The following TBC1D4 variants were observed in gnomAD, a reference collection of about 807,000 sequenced individuals.
TBC1D4 encodes TBC1 domain family member 4.
Under a neutral mutation model 142.5 loss-of-function variants are expected in TBC1D4, and 121 were observed. The observed-to-expected ratio is 0.85, with a 90% CI of 0.73 to 0.99. TBC1D4 has a LOEUF of 0.99. Ranked by LOEUF, TBC1D4 falls within the 50% of genes least tolerant of loss-of-function variation. The probability of loss-of-function intolerance (pLI) is 0.00; values close to 1 mark genes in which losing one functional copy is unlikely to be tolerated. For synonymous variants in TBC1D4, 630 were observed against 628.2 expected (o/e 1.00, Z -0.04); for missense variants, 1,475 against 1,606.6 (o/e 0.92, Z 1.40).
chr13:75,448,111 G>C (rs1887369102), intron 1 of TBC1D4, among the ~76,000 whole-genome samples: 1 of 152,000 alleles, frequency 6.6e-6, no homozygotes, highest in African/African-American at 2.4e-5. Context: ...AAAAGGTTGG[G>C]GACTGCTGTT....
intron 1 of TBC1D4, among the ~76,000 whole-genome samples, chr13:75,451,582 A>C (rs1887533337): frequency 6.6e-6 from 1 of 150,400 alleles, no homozygotes; most frequent in South Asian, 2.1e-4. Context: ...CGGGAGGCTG[A>C]GGTGGGAGGA....
intron 1 of TBC1D4, among the ~76,000 whole-genome samples, chr13:75,452,165 C>T (rs983827428): frequency 1.1e-4 from 17 of 151,940 alleles, no homozygotes; most frequent in African/African-American, 3.1e-4. Context: ...CAAGTAAACT[C>T]GCTGTTTATT....
At chr13:75,290,814 G>A (rs1221874279) in intron 19 of TBC1D4, among the ~76,000 whole-genome samples, 1 of 152,072 alleles carries the variant, frequency 6.6e-6, no homozygotes, top group Admixed American at 6.6e-5. Context: ...TTCCCATTTT[G>A]TAGAGGAAGA....
In TBC1D4 at chr13:75,286,934, T is replaced by C. The variant is rs759597608; in HGVS notation, c.3755A>G (p.Glu1252Gly). The C allele has an allele frequency of 1.2e-6, 2 of 1,613,894 alleles. No homozygotes were observed. The highest frequency in any genetic ancestry group is 1.7e-6 in the Non-Finnish European group (2 of 1,179,958). The change falls in exon 21 of 21, where the codon GAA (glutamate) becomes GGA (glycine). Residue 1252 changes from glutamate to glycine, a missense_variant. Around this residue, in one of 2 missense-constraint regions of TBC1D4, gnomAD observed 248 missense variants for 338.9 expected, o/e 0.73. Coordinates refer to ENST00000377636, the MANE Select transcript of TBC1D4 (RefSeq NM_014832.5). ...CTTTTGATAAGCCATTTTTTCTTGT[T>C]CCAGGGTCCGGATTAAAGACTTCAT... ...TKMKSLIRTLEQEKMAYQKTV... is the reference protein window; with the variant it reads ...TKMKSLIRTLGQEKMAYQKTV...
At position 75,383,079 on chromosome 13, in the gene TBC1D4, C is replaced by T. The variant is rs561907388; in HGVS notation, c.499-20472G>A. ...GCTCACGCCCATAATCCCAACATAT[C>T]GGGAGGCAGAGGCAGGCGGCTCACT... is the stretch of plus-strand genomic sequence containing the variant. On this transcript the variant is annotated intron_variant, in intron 1 of 20. Transcript: ENST00000377636. Among the ~76,000 whole-genome samples, 27 of 152,268 alleles carry T rather than the reference C, an allele frequency of 1.8e-4. No individual in the cohort carries two copies. In the South Asian group the frequency reaches 5.6e-3, roughly 32 times the overall value.
At chr13:75,460,535 G>C (rs1389034573) in intron 1 of TBC1D4, among the ~76,000 whole-genome samples, 2 of 152,206 alleles carry the variant, frequency 1.3e-5, no homozygotes, top group African/African-American at 4.8e-5. Context: ...CTGGAAAGCA[G>C]AGATGGAGTT....
chr13:75,310,629 CCTTTTT>C (rs1398802961), intron 13 of TBC1D4, among the ~76,000 whole-genome samples: 2 of 152,178 alleles, frequency 1.3e-5, no homozygotes, highest in African/African-American at 4.8e-5. Flanking sequence ...TCCTGCAACA[CCTTTTT>C]CTTTTTCTTT....
intron 2 of TBC1D4, among the ~76,000 whole-genome samples, chr13:75,360,844 A>G (rs1299019421): frequency 6.6e-6 from 1 of 152,200 alleles, no homozygotes; most frequent in African/African-American, 2.4e-5. Flanking sequence ...TGCTTTTTCT[A>G]TAATAAAATA....
intron 1 of TBC1D4, among the ~76,000 whole-genome samples, chr13:75,477,685 A>T (rs1373921834): frequency 6.6e-6 from 1 of 152,112 alleles, no homozygotes; most frequent in Non-Finnish European, 1.5e-5. Flanking sequence ...TGCCATACAG[A>T]CTCTTTTTGC....
chr13:75,439,356 T>C (rs973506773), intron 1 of TBC1D4, among the ~76,000 whole-genome samples: 1 of 152,196 alleles, frequency 6.6e-6, no homozygotes, highest in African/African-American at 2.4e-5. Flanking sequence ...AATGTAATAC[T>C]TTATCATCTG....
chr13:75,476,014 G>A (rs1250540803), intron 1 of TBC1D4, among the ~76,000 whole-genome samples: 5 of 152,204 alleles, frequency 3.3e-5, no homozygotes, highest in East Asian at 3.9e-4. Flanking sequence ...AGGCCCAGGC[G>A]GGCAGATCAC....
intron 1 of TBC1D4, among the ~76,000 whole-genome samples, chr13:75,449,391 C>CTTGT (rs1887434797): frequency 6.6e-6 from 1 of 151,804 alleles, no homozygotes; most frequent in Non-Finnish European, 1.5e-5. Flanking sequence ...ACAATAACAA[C>CTTGT]TAATGATAAC....
chr13:75,341,177 T>C lies in TBC1D4; in HGVS notation c.1559A>G (p.Gln520Arg). ...ENELVILHLR[Q>R]LCEAKQKTHV... ...TGTCTTCTGCTTGGCTTCACACAGC[T>C]GCCTCAGGTGTAAAATCACAAGTTC... The change falls in exon 7 of 21, where the codon CAG (glutamine) becomes CGG (arginine). Residue 520 changes from glutamine (Q) to arginine (R), a missense_variant. Physicochemically the swap from Gln to Arg is conservative, Grantham distance 43 (BLOSUM62 1). This residue lies in a region of TBC1D4 where 1,227 missense variants were observed against 1,267.7 expected (regional missense o/e 0.97). Transcript: ENST00000377636. The C allele has an allele frequency of 6.2e-7, 1 of 1,613,724 alleles. No individual in the cohort carries two copies. Among genetic ancestry groups the C allele is most frequent in the African/African-American group, 1.3e-5 (1 of 74,922 alleles).
rs77648547 is a variant in TBC1D4, at chr13:75,433,811, A to G, written c.498+47459T>C. Reference sequence around the variant, plus strand: ...TCCAGTGTCTATAAGAAACTTAAACAAATTTACAAGGGAAAAACAACCCCT... The same window carrying G: ...TCCAGTGTCTATAAGAAACTTAAACGAATTTACAAGGGAAAAACAACCCCT... On this transcript the variant is annotated intron_variant, in intron 1 of 20. Coordinates refer to ENST00000377636, the MANE Select transcript of TBC1D4 (RefSeq NM_014832.5). Among the ~76,000 whole-genome samples the G allele has an allele frequency of 4.3e-3, 649 of 152,320 alleles. 5 individuals carry two copies. Among genetic ancestry groups the G allele is most frequent in the African/African-American group, 0.015 (609 of 41,574 alleles).
At chr13:75,477,929 C>T (rs1888687366) in intron 1 of TBC1D4, among the ~76,000 whole-genome samples, 1 of 152,228 alleles carries the variant, frequency 6.6e-6, no homozygotes, top group Non-Finnish European at 1.5e-5. Flanking sequence ...GCATACATTT[C>T]ACCCCCATCT....
chr13:75,306,656 G>A lies in TBC1D4; in HGVS notation c.2594-185C>T, dbSNP rs150157071. On this transcript the variant is annotated intron_variant, in intron 14 of 20. Coordinates refer to ENST00000377636, the MANE Select transcript of TBC1D4 (RefSeq NM_014832.5). ...GGTCCCAAGCTTTGAGTCATTTCAT[G>A]TGAGAAAAAAAATGAGGAATAACCT... is the stretch of plus-strand genomic sequence containing the variant. 6.1e-3 allele frequency among the ~76,000 whole-genome samples: 924 copies of A among 152,148 alleles called. 11 individuals are homozygous for A. Among genetic ancestry groups the A allele is most frequent in the African/African-American group, 0.021 (881 of 41,516 alleles).
intron 1 of TBC1D4, among the ~76,000 whole-genome samples, chr13:75,364,025 G>A (rs144140286): frequency 3.8e-4 from 58 of 152,312 alleles, no homozygotes; most frequent in African/African-American, 1.3e-3. Flanking sequence ...ACATCAATCA[G>A]TATATGTAAG....
At chr13:75,439,080 G>T (rs2138190607) in intron 1 of TBC1D4, among the ~76,000 whole-genome samples, 1 of 152,248 alleles carries the variant, frequency 6.6e-6, no homozygotes, top group East Asian at 1.9e-4. Flanking sequence ...CTTCCCTTTA[G>T]AAGTTCTATA....
At chr13:75,380,258 G>A (rs972098830) in intron 1 of TBC1D4, among the ~76,000 whole-genome samples, 3 of 151,794 alleles carry the variant, frequency 2.0e-5, no homozygotes, top group African/African-American at 7.3e-5. Flanking sequence ...GATCACCTGA[G>A]GTCAGGGGTT....
Sources: gnomAD v4.1 joint callset for allele counts (sites outside exome capture counted in the v4.1 genomes callset) on GRCh38, gnomAD v4.1.1 for gene constraint, gnomAD v4.1.1 regional missense constraint, MANE v1.5 for transcripts, NCBI Gene and HGNC (gene_info 2026-07-23, HGNC 2026-07-21) for gene names.